HERC1: variants seen among roughly 807,000 people sequenced by gnomAD.
HERC1 encodes the protein HECT and RLD domain containing E3 ubiquitin protein ligase family member 1, also known as probable E3 ubiquitin-protein ligase HERC1.
In HERC1, 160 loss-of-function variants were observed where a neutral mutation model predicts 554.3. The ratio of observed to expected loss-of-function variants is 0.29; its 90% CI spans 0.25 to 0.33. The LOEUF is 0.33. HERC1 is among the 10% of genes least tolerant of loss of function. The pLI, the probability that HERC1 is intolerant of heterozygous loss-of-function variation, is 1.00. For synonymous variants in HERC1, 2,175 were observed against 2,131.7 expected (o/e 1.02, Z -0.56); for missense variants, 4,919 against 5,918.5 (o/e 0.83, Z 5.54).
intron 51 of HERC1, 121 bp downstream of exon 51, chr15:63,653,998 G>T (rs2069861204): frequency 5.6e-6 from 4 of 717,592 alleles, no homozygotes; most frequent in Non-Finnish European, 9.7e-6. Flanking sequence ...GCATGTGTAT[G>T]TGTACGTGTG....
At chr15:63,634,067 G>T in intron 66 of HERC1, 97 bp from the exon 67 acceptor site, 1 of 1,409,990 alleles carries the variant, frequency 7.1e-7, no homozygotes, top group Non-Finnish European at 9.8e-7. Context: ...TGAAAAACTT[G>T]GCTATGTTTC....
chr15:63,820,695 T>TA (rs61330449), intron 1 of HERC1, among the ~76,000 whole-genome samples: 4 of 152,180 alleles, frequency 2.6e-5, no homozygotes, highest in African/African-American at 7.2e-5. Context: ...CTTTTTTTTT[T>TA]GCTTTTGAGA....
chr15:63,774,129 C>T (rs2076041547), intron 2 of HERC1, among the ~76,000 whole-genome samples: 1 of 152,144 alleles, frequency 6.6e-6, no homozygotes, highest in Admixed American at 6.6e-5. Context: ...TTTCACCTCC[C>T]AAACTCTGTC....
Position 63,661,690 on chromosome 15 carries a change from TC to T in HERC1, c.9170+62del. ...ACTCCTCACGTGAAAAATCTACAGT[TC>T]CCAAGACTTAAGGTATGAGGTATCT... On this transcript the variant is annotated intron_variant, in intron 45 of 77. Transcript: ENST00000443617. 2.6e-6 allele frequency: 4 copies of T among 1,533,668 alleles called. No individual in the cohort carries two copies. The South Asian group carries it at 3.5e-5, about 14-fold the overall frequency.
At chr15:63,787,617 G>A (rs2076499656) in intron 1 of HERC1, among the ~76,000 whole-genome samples, 1 of 152,096 alleles carries the variant, frequency 6.6e-6, no homozygotes, top group Admixed American at 6.6e-5. Context: ...AACTATTATA[G>A]AGCCAGACTC....
chr15:63,657,165 A>G (rs2070086100), intron 48 of HERC1, among the ~76,000 whole-genome samples: 1 of 151,326 alleles, frequency 6.6e-6, no homozygotes, highest in Non-Finnish European at 1.5e-5. Flanking sequence ...TGGGAGTTTT[A>G]GCTGTTTCAG....
At chr15:63,778,177 A>G (rs1251858233) in intron 1 of HERC1, among the ~76,000 whole-genome samples, 1 of 152,260 alleles carries the variant, frequency 6.6e-6, no homozygotes, top group Non-Finnish European at 1.5e-5. Context: ...TCCAGGGTAC[A>G]TGCTTTCACC....
At chr15:63,821,661 AG>A (rs2077700239) in intron 1 of HERC1, among the ~76,000 whole-genome samples, 1 of 148,320 alleles carries the variant, frequency 6.7e-6, no homozygotes, top group Non-Finnish European at 1.5e-5. Context: ...TGGGAGGTCA[AG>A]GCTGTAATGA....
At chr15:63,752,763 G>C in intron 8 of HERC1, 195 bp downstream of exon 8, 1 of 478,270 alleles carries the variant, frequency 2.1e-6, no homozygotes, top group East Asian at 3.3e-5. Flanking sequence ...AGATTTATCT[G>C]GGTCACATAT....
Position 63,723,171 on chromosome 15 carries a change from C to A in HERC1, c.3742+11G>T. ...ACTACAAATTTACTCCCTTTATCTT[C>A]TTTATCTTACCTTTACTAACAGCAT... On this transcript the variant is annotated intron_variant, in intron 19 of 77. Coordinates refer to ENST00000443617, the MANE Select transcript of HERC1 (RefSeq NM_003922.4). 7.1e-7 allele frequency: 1 copy of A among 1,414,302 alleles called. No homozygotes were observed. The highest frequency in any genetic ancestry group is 1.8e-5 in the South Asian group (1 of 56,382). The allele number at this position is 1,414,302 out of a possible 1,614,324, so 87.6% of individuals were successfully genotyped here. A position where few individuals can be genotyped will look rare whatever the true frequency, so the allele number is the denominator to read the frequency against.
At chr15:63,738,980 TA>T (rs962096615) in intron 12 of HERC1, among the ~76,000 whole-genome samples, 27 of 48,044 alleles carry the variant, frequency 5.6e-4, no homozygotes, top group Non-Finnish European at 1.6e-3. Context: ...AAAGTCAGTT[TA>T]TTTTTTTTTT....
chr15:63,648,270 C>T (rs2069462971), intron 54 of HERC1, 71 bp from the exon 55 acceptor site: 4 of 1,421,150 alleles, frequency 2.8e-6, no homozygotes, highest in Non-Finnish European at 3.8e-6. Context: ...AAGACAGAGA[C>T]TTTGAAACAA....
At chr15:63,654,361 A>G (rs535596667) in intron 50 of HERC1, 37 bp from the exon 51 acceptor site, 2 of 1,514,182 alleles carry the variant, frequency 1.3e-6, no homozygotes, top group South Asian at 1.2e-5. Flanking sequence ...TGGGCATACA[A>G]TTGGGCAATT....
At chr15:63,748,872 G>C (rs184036126) in intron 10 of HERC1, among the ~76,000 whole-genome samples, 74 of 151,318 alleles carry the variant, frequency 4.9e-4, no homozygotes, top group African/African-American at 1.7e-3. Flanking sequence ...CTACCTGATG[G>C]ACTAAACACG....
At position 63,613,680 on chromosome 15, in the gene HERC1, A is replaced by C. The variant is rs181280581; in HGVS notation, c.14095-1124T>G. On this transcript the variant is annotated intron_variant, in intron 76 of 77. Coordinates refer to ENST00000443617, the MANE Select transcript of HERC1 (RefSeq NM_003922.4). ...AATAAAATTTATTATATATATAAAA[A>C]AAAACTGGGCCAAGTACAATGGTTT... is the stretch of plus-strand genomic sequence containing the variant. Among the ~76,000 whole-genome samples the C allele has an allele frequency of 3.3e-3, 495 of 151,936 alleles. 2 individuals are homozygous for C. Among genetic ancestry groups the C allele is most frequent in the Admixed American group, 4.8e-3 (74 of 15,272 alleles).
At chr15:63,803,051 A>C (rs2144868925) in intron 1 of HERC1, among the ~76,000 whole-genome samples, 1 of 152,246 alleles carries the variant, frequency 6.6e-6, no homozygotes, top group South Asian at 2.1e-4. Flanking sequence ...CTCTACAAAA[A>C]ATAATTTGGC....
rs761846742 is a variant in HERC1 at position 63,680,735 on chromosome 15, A to G, written c.6267T>C (p.Cys2089=). The G allele has an allele frequency of 6.2e-7, 1 of 1,612,664 alleles. No individual in the cohort carries two copies. Residue 2089 remains cysteine, a synonymous_variant, in exon 35 of 78, where the codon TGT becomes TGC. Transcript: ENST00000443617. The surrounding 1 kb of genome is among the most constrained non-coding windows in gnomAD (Gnocchi z 5.8). The part of the protein sequence containing the change: ...VKENRGNEGT[C]VGVSRWPVHD... ...GTACTGGCCAGCGAGAAACTCCAAC[A>G]CACGTGCCTTCATTACCTCTGTTTT...
In HERC1 at chr15:63,734,879, T is replaced by C; in HGVS notation, c.2521-30A>G. On this transcript the variant is annotated intron_variant, in intron 12 of 77. Coordinates refer to ENST00000443617, the MANE Select transcript of HERC1 (RefSeq NM_003922.4). This position sits in a 1 kb window ranked among gnomAD's most constrained non-coding sequence, Gnocchi z 4.6. ...TATCAAAAGAGAAAAGTATACTGAT[T>C]GGCCTGGTTCTTAGTTTTTAATAAA... 1 of 1,593,196 alleles carries C rather than the reference T, an allele frequency of 6.3e-7. No homozygotes were observed. The highest frequency in any genetic ancestry group is 8.6e-7 in the Non-Finnish European group (1 of 1,168,784).
At chr15:63,610,845 G>GGA (rs1319487660) in intron 77 of HERC1, among the ~76,000 whole-genome samples, 1 of 152,220 alleles carries the variant, frequency 6.6e-6, no homozygotes, top group Non-Finnish European at 1.5e-5. Context: ...AGCTCATGTG[G>GGA]GAGAGAGGGC....
Sources: allele counts gnomAD v4.1 joint callset (sites outside exome capture counted in the v4.1 genomes callset), GRCh38; gene constraint gnomAD v4.1.1; non-coding constraint Gnocchi (gnomAD v3.1); transcripts MANE v1.5; gene names NCBI Gene and HGNC (gene_info 2026-07-23, HGNC 2026-07-21).